Variants in VAPA observed in about 807,000 individuals in gnomAD.
VAPA encodes vesicle-associated membrane protein-associated protein A.
Under a neutral mutation model 25.6 loss-of-function variants are expected in VAPA, and 6 were observed. The observed-to-expected ratio is 0.23, with a 90% CI of 0.13 to 0.46. The LOEUF is 0.46. VAPA is among the 20% of genes least tolerant of loss of function. The pLI is 0.99. For missense variants in VAPA, 244 were observed against 302.1 expected, an observed-to-expected ratio of 0.81 and a Z score of 1.43; for synonymous variants, 112 against 106.2, an observed-to-expected ratio of 1.05 and a Z score of -0.34.
rs896308277 is a variant in VAPA, at chr18:9,956,270, G to A, written c.*2059G>A. On this transcript the variant is annotated 3_prime_UTR_variant, in exon 6 of 6. Transcript: ENST00000400000. ...TCTAGCTCAGTGTCTTCTGGTAACT[G>A]TTGAAAATTGTCTTAGTTTGAGAGA... is the stretch of plus-strand genomic sequence containing the variant. The A allele has an allele frequency of 1.7e-4, 26 of 152,136 alleles. No homozygotes were observed. Among genetic ancestry groups the A allele is most frequent in the African/African-American group, 6.3e-4 (26 of 41,436 alleles). 9.4% of individuals were successfully genotyped at this position (152,136 alleles called of 1,614,324 possible). A position where few individuals can be genotyped will look rare whatever the true frequency, so the allele number is the denominator to read the frequency against.
intron 4 of VAPA, 60 bp downstream of exon 4, chr18:9,937,126 T>C: frequency 2.8e-6 from 4 of 1,442,150 alleles, no homozygotes; most frequent in Non-Finnish European, 3.8e-6. Flanking sequence ...CTTTGATTAA[T>C]TTTGCTTTTA....
chr18:9,943,453 A>G (rs1441461602), intron 4 of VAPA, among the ~76,000 whole-genome samples: 2 of 152,200 alleles, frequency 1.3e-5, no homozygotes, highest in Admixed American at 6.5e-5. Flanking sequence ...GTGTGTGCCA[A>G]TACATTTCAT....
chr18:9,949,852 G>T (rs182836811), intron 4 of VAPA: 1 of 153,164 alleles, frequency 6.5e-6, no homozygotes, highest in Non-Finnish European at 1.5e-5. Context: ...GTTGAATCAC[G>T]TGAATTAAAG....
chr18:9,915,811 T>G (rs902494597), intron 1 of VAPA: 1 of 152,248 alleles, frequency 6.6e-6, no homozygotes, highest in Admixed American at 6.5e-5. Context: ...GTAAGTGAGC[T>G]ACTTGTTGGG....
rs528596953 is a variant in VAPA, at chr18:9,959,315, T to C, written c.*5104T>C. ...ATTTGTGAAATGTCTTTAAGATTTT[T>C]GGTCTTAAATTTTTGAAGACTGCTT... is the stretch of plus-strand genomic sequence containing the variant. On this transcript the variant is annotated 3_prime_UTR_variant, in exon 6 of 6. Transcript: ENST00000400000. 6.6e-6 allele frequency: 1 copy of C among 152,334 alleles called. No homozygotes were observed. Among genetic ancestry groups the C allele is most frequent in the South Asian group, 2.1e-4 (1 of 4,830 alleles). 9.4% of individuals were successfully genotyped at this position (152,334 alleles called of 1,614,324 possible).
chr18:9,954,477 A>T lies in VAPA; in HGVS notation c.*266A>T. 1 of 333,474 alleles carries T rather than the reference A, an allele frequency of 3.0e-6. No homozygotes were observed. Among genetic ancestry groups the T allele is most frequent in the South Asian group, 9.1e-5 (1 of 11,048 alleles). 20.7% of individuals were successfully genotyped at this position (333,474 alleles called of 1,614,324 possible). On this transcript the variant is annotated 3_prime_UTR_variant, in exon 6 of 6. Transcript: ENST00000400000. ...TGAGTCCTTTATGAAATTCATAAAT[A>T]AAGAATTGTTCTTTCTTTGTGGTTT...
intron 2 of VAPA, among the ~76,000 whole-genome samples, chr18:9,934,408 C>A (rs1301792284): frequency 6.6e-6 from 1 of 152,184 alleles, no homozygotes; most frequent in Non-Finnish European, 1.5e-5. Flanking sequence ...AGCTTATAAT[C>A]ATTAACTCAG....
At chr18:9,917,816 A>T (rs542063824) in intron 1 of VAPA, among the ~76,000 whole-genome samples, 1 of 152,050 alleles carries the variant, frequency 6.6e-6, no homozygotes, top group African/African-American at 2.4e-5. Flanking sequence ...GCGGGGGGGA[A>T]ATTAGAGAAT....
In VAPA at chr18:9,914,157, C is replaced by T. The variant is rs1599091897; in HGVS notation, c.-100C>T. On this transcript the variant is annotated 5_prime_UTR_variant, in exon 1 of 6. Coordinates refer to ENST00000400000, the MANE Select transcript of VAPA (RefSeq NM_194434.3). ...AGGGCTCGGGAGCCGCGAGCCTGGC[C>T]TCGTCCTAGAGCTCGGCCGAGCCGT... The T allele has an allele frequency of 3.7e-6, 4 of 1,086,798 alleles. No homozygotes were observed. The South Asian group carries it at 6.3e-5, about 17-fold the overall frequency. The allele number at this position is 1,086,798 out of a possible 1,614,324, so 67.3% of individuals were successfully genotyped here.
At chr18:9,937,804 A>G (rs189221808) in intron 4 of VAPA, among the ~76,000 whole-genome samples, 148 of 152,238 alleles carry the variant, frequency 9.7e-4, no homozygotes, top group African/African-American at 3.4e-3. Flanking sequence ...GTGTGGCACA[A>G]TTTGGTTACA....
rs2069523839 is a variant in VAPA, at chr18:9,954,442, A to G, written c.*231A>G. 2.3e-6 allele frequency: 1 copy of G among 426,878 alleles called. No individual in the cohort carries two copies. Among genetic ancestry groups the G allele is most frequent in the Admixed American group, 4.2e-5 (1 of 23,668 alleles). The allele number at this position is 426,878 out of a possible 1,614,324, so 26.4% of individuals were successfully genotyped here. On this transcript the variant is annotated 3_prime_UTR_variant, in exon 6 of 6. Transcript: ENST00000400000. The stretch of plus-strand genomic sequence containing the variant: ...TACCAGATCATCACTAGCAGATGTC[A>G]GTTGCACATTGAGTCCTTTATGAAA...
At chr18:9,929,015 A>G (rs1169085361) in intron 1 of VAPA, among the ~76,000 whole-genome samples, 1 of 152,200 alleles carries the variant, frequency 6.6e-6, no homozygotes, top group East Asian at 1.9e-4. Context: ...TGTGTTACCT[A>G]CAGATGCCTG....
intron 2 of VAPA, among the ~76,000 whole-genome samples, chr18:9,933,386 C>T (rs1431068504): frequency 6.6e-6 from 1 of 152,018 alleles, no homozygotes; most frequent in African/African-American, 2.4e-5. Flanking sequence ...GGTAAGGAGG[C>T]CTGGGAGGAG....
At chr18:9,914,520 G>A (rs2069093834) in intron 1 of VAPA, 185 bp downstream of exon 1, 2 of 384,080 alleles carry the variant, frequency 5.2e-6, no homozygotes, top group Admixed American at 1.0e-4. Context: ...CCTTGCTCCG[G>A]CCCGCTTCAT....
rs1422803468 is a variant in VAPA, at chr18:9,914,111, G to C, written c.-146G>C. ...GACCCAGCGGGTGGCCCACCGAACCGGTGACACAGCGGCAGGCGTTAGGGC... is the reference window on the plus strand; with the variant it reads ...GACCCAGCGGGTGGCCCACCGAACCCGTGACACAGCGGCAGGCGTTAGGGC... On this transcript the variant is annotated 5_prime_UTR_variant, in exon 1 of 6. Transcript: ENST00000400000. 1.6e-6 allele frequency: 1 copy of C among 618,718 alleles called. No individual in the cohort carries two copies. The highest frequency in any genetic ancestry group is 2.2e-5 in the South Asian group (1 of 45,918). The allele number at this position is 618,718 out of a possible 1,614,324, so 38.3% of individuals were successfully genotyped here.
intron 4 of VAPA, among the ~76,000 whole-genome samples, chr18:9,937,950 G>T (rs901270188): frequency 1.3e-5 from 2 of 152,088 alleles, no homozygotes; most frequent in African/African-American, 4.8e-5. Flanking sequence ...TGGTAATTAG[G>T]TGTTGACCAA....
At chr18:9,917,334 T>C (rs995758699) in intron 1 of VAPA, among the ~76,000 whole-genome samples, 2 of 152,248 alleles carry the variant, frequency 1.3e-5, no homozygotes, top group Admixed American at 6.5e-5. Context: ...AGACGGAGTC[T>C]TGCTCTGTTG....
intron 2 of VAPA, among the ~76,000 whole-genome samples, chr18:9,932,853 A>G (rs1243314592): frequency 1.3e-5 from 2 of 152,206 alleles, no homozygotes; most frequent in South Asian, 2.1e-4. Flanking sequence ...TTATGCCTGT[A>G]ATCCCAGCAC....
At chr18:9,936,638 C>T (rs1476942254) in intron 3 of VAPA, 2 of 234,856 alleles carry the variant, frequency 8.5e-6, no homozygotes, top group Non-Finnish European at 1.6e-5. Context: ...TCCCAGCTAC[C>T]CAGGAGGCAT....
Sources: gnomAD v4.1 joint callset for allele counts (sites outside exome capture counted in the v4.1 genomes callset) on GRCh38, gnomAD v4.1.1 for gene constraint, MANE v1.5 for transcripts, NCBI Gene and HGNC (gene_info 2026-07-23, HGNC 2026-07-21) for gene names.